ZNF131: variants seen among roughly 807,000 people sequenced by gnomAD.
ZNF131 encodes the protein zinc finger protein 131.
In ZNF131, 7 loss-of-function variants were observed where a neutral mutation model predicts 60.0. The ratio of observed to expected loss-of-function variants is 0.12; its 90% CI spans 0.07 to 0.22. The LOEUF is 0.22. Among genes scored for constraint, ZNF131 ranks in the 10% least tolerant of loss-of-function variants. The pLI, the probability that ZNF131 is intolerant of heterozygous loss-of-function variation, is 1.00. For synonymous variants in ZNF131, 257 were observed against 253.2 expected (o/e 1.01, Z -0.14); for missense variants, 493 against 740.9 (o/e 0.67, Z 3.88).
intron 3 of ZNF131, among the ~76,000 whole-genome samples, chr5:43,137,064 A>G (rs1209139360): frequency 1.3e-5 from 2 of 152,228 alleles, no homozygotes; most frequent in Non-Finnish European, 2.9e-5. Flanking sequence ...AAAAAAACTC[A>G]AAATGAATTG....
chr5:43,146,672 C>T (rs915811789), intron 4 of ZNF131, among the ~76,000 whole-genome samples: 1 of 151,672 alleles, frequency 6.6e-6, no homozygotes, highest in South Asian at 2.1e-4. Flanking sequence ...TTTGGAAGGC[C>T]GAGGCAGGCA....
At chr5:43,129,161 C>T (rs1744978654) in intron 3 of ZNF131, among the ~76,000 whole-genome samples, 1 of 151,768 alleles carries the variant, frequency 6.6e-6, no homozygotes, top group African/African-American at 2.4e-5. Flanking sequence ...GTCTCAAACT[C>T]CTGACCTAAA....
In ZNF131 at chr5:43,150,496, G is replaced by T. The variant is rs139332475; in HGVS notation, c.372-10753G>T. ...GCCGCTCTGATTAATCTGACCGTAG[G>T]GACCAGGACCTGGCTGGGTGCGGTG... On this transcript the variant is annotated intron_variant, in intron 4 of 6. Transcript: ENST00000682664. Among the ~76,000 whole-genome samples, 20 of 152,152 alleles carry T rather than the reference G, an allele frequency of 1.3e-4. No homozygotes were observed. In the East Asian group the frequency reaches 2.9e-3, roughly 22 times the overall value.
chr5:43,139,674 A>G (rs1330470884), intron 4 of ZNF131, among the ~76,000 whole-genome samples: 4 of 152,202 alleles, frequency 2.6e-5, no homozygotes, highest in Non-Finnish European at 5.9e-5. Context: ...ATACTGTTTA[A>G]AAATAAGGAA....
At chr5:43,126,462 T>G (rs1421747139) in intron 3 of ZNF131, among the ~76,000 whole-genome samples, 1 of 152,162 alleles carries the variant, frequency 6.6e-6, no homozygotes, top group East Asian at 1.9e-4. Context: ...AGTTCACACA[T>G]GGGCATGTTG....
chr5:43,173,553 G>A (rs1328198612), intron 6 of ZNF131, 105 bp downstream of exon 6: 30 of 1,350,416 alleles, frequency 2.2e-5, no homozygotes, highest in South Asian at 3.9e-5. Flanking sequence ...AGGGGCTGAC[G>A]GTTTGGAAAG....
At chr5:43,137,944 A>G (rs1276132816) in intron 3 of ZNF131, among the ~76,000 whole-genome samples, 1 of 152,264 alleles carries the variant, frequency 6.6e-6, no homozygotes, top group Non-Finnish European at 1.5e-5. Flanking sequence ...CCTTGAGGAC[A>G]TTATGCTAAG....
chr5:43,152,847 C>T (rs1344709535), intron 4 of ZNF131, among the ~76,000 whole-genome samples: 3 of 151,678 alleles, frequency 2.0e-5, no homozygotes, highest in Admixed American at 6.6e-5. Context: ...CGGACTCAAG[C>T]GATCCTCCCG....
chr5:43,155,328 T>A (rs1052031226), intron 4 of ZNF131, among the ~76,000 whole-genome samples: 1 of 152,180 alleles, frequency 6.6e-6, no homozygotes, highest in Non-Finnish European at 1.5e-5. Flanking sequence ...CCTCAGGGCC[T>A]GTATGGGTAG....
In ZNF131 at chr5:43,162,940, CATGTTTATACTTCTTTTCTT is replaced by C. The variant is rs753344989; in HGVS notation, c.1054+1010_1054+1029del. 5.2e-3 allele frequency among the ~76,000 whole-genome samples: 589 copies of C among 112,728 alleles called. 1 individual carries two copies. The highest frequency in any genetic ancestry group is 7.7e-3 in the Non-Finnish European group (420 of 54,290). The allele number at this position is 112,728 out of a possible 152,430, so 74.0% of individuals were successfully genotyped here. A position where few individuals can be genotyped will look rare whatever the true frequency, so the allele number is the denominator to read the frequency against. On this transcript the variant is annotated intron_variant, in intron 5 of 6. Transcript: ENST00000682664. ...AAAAAAAAAAAAAAGCAATCCCTGA[CATGTTTATACTTCTTTTCTT>C]TTATTTGCCTTTTTTTTTTTTTTTT...
chr5:43,125,221 A>G (rs987516193), intron 3 of ZNF131, among the ~76,000 whole-genome samples: 1 of 152,156 alleles, frequency 6.6e-6, no homozygotes, highest in Admixed American at 6.5e-5. Context: ...GTGAAATGGT[A>G]TCACTGAAGA....
chr5:43,142,643 A>AC (rs1747003904), intron 4 of ZNF131, among the ~76,000 whole-genome samples: 2 of 131,756 alleles, frequency 1.5e-5, no homozygotes, highest in Non-Finnish European at 3.2e-5. Flanking sequence ...TTTAGATCCC[A>AC]CCCCCTACCT....
intron 5 of ZNF131, among the ~76,000 whole-genome samples, chr5:43,166,142 C>CA (rs1165100954): frequency 1.3e-5 from 2 of 152,204 alleles, no homozygotes; most frequent in African/African-American, 4.8e-5. Flanking sequence ...CCAGGTTACT[C>CA]ACTCTTTCTT....
intron 5 of ZNF131, among the ~76,000 whole-genome samples, chr5:43,166,687 G>A (rs1428160761): frequency 6.7e-6 from 1 of 150,230 alleles, no homozygotes; most frequent in Non-Finnish European, 1.5e-5. Context: ...ACGGGGTCTC[G>A]CTCTGTCGCC....
chr5:43,157,906 C>T (rs747269913), intron 4 of ZNF131, among the ~76,000 whole-genome samples: 9 of 152,226 alleles, frequency 5.9e-5, no homozygotes, highest in Non-Finnish European at 1.3e-4. Context: ...TCTCCTGTGT[C>T]CAGGTTTCTT....
intron 2 of ZNF131, 69 bp downstream of exon 2, chr5:43,122,246 C>A: frequency 1.9e-6 from 2 of 1,031,814 alleles, no homozygotes; most frequent in Non-Finnish European, 2.6e-6. Context: ...GGACACCCGC[C>A]TTTTTTTTTT....
At chr5:43,163,268 A>G (rs559286352) in intron 5 of ZNF131, among the ~76,000 whole-genome samples, 1 of 152,232 alleles carries the variant, frequency 6.6e-6, no homozygotes, top group African/African-American at 2.4e-5. Context: ...ATGAGCCACC[A>G]CATCCGGCCC....
At position 43,162,969 on chromosome 5, in the gene ZNF131, C is replaced by CTT. The variant is rs1205635519; in HGVS notation, c.1054+1055_1054+1056dup. ...TTTATACTTCTTTTCTTTTATTTGC[C>CTT]TTTTTTTTTTTTTTTTTTGGCAGAT... On this transcript the variant is annotated intron_variant, in intron 5 of 6. Coordinates refer to ENST00000682664, the MANE Select transcript of ZNF131 (RefSeq NM_001330707.2). Among the ~76,000 whole-genome samples, 37 of 64,914 alleles carry CTT rather than the reference C, an allele frequency of 5.7e-4. 4 individuals are homozygous for CTT. The highest frequency in any genetic ancestry group is 8.8e-4 in the Non-Finnish European group (30 of 33,904). 42.6% of individuals were successfully genotyped at this position (64,914 alleles called of 152,430 possible). A position where few individuals can be genotyped will look rare whatever the true frequency, so the allele number is the denominator to read the frequency against.
At chr5:43,131,778 A>AT (rs1745383884) in intron 3 of ZNF131, among the ~76,000 whole-genome samples, 1 of 151,602 alleles carries the variant, frequency 6.6e-6, no homozygotes, top group Non-Finnish European at 1.5e-5. Context: ...CCACCAGAGA[A>AT]TAACAAGGGT....
Sources: allele counts gnomAD v4.1 joint callset (sites outside exome capture counted in the v4.1 genomes callset), GRCh38; gene constraint gnomAD v4.1.1; transcripts MANE v1.5; gene names NCBI Gene and HGNC (gene_info 2026-07-23, HGNC 2026-07-21).